SYNE2: variants seen among roughly 807,000 people sequenced by gnomAD.
The protein encoded by SYNE2 is nesprin-2.
Under a neutral mutation model 856.3 loss-of-function variants are expected in SYNE2, and 431 were observed. The observed-to-expected ratio is 0.50, with a 90% CI of 0.47 to 0.55. SYNE2 has a LOEUF of 0.55. Among genes scored for constraint, SYNE2 ranks in the 20% least tolerant of loss-of-function variants. The pLI is 0.00. For missense variants in SYNE2, 8,129 were observed against 8,023.2 expected (o/e 1.01, Z -0.50); for synonymous variants, 2,923 against 2,872.3 (o/e 1.02, Z -0.56).
chr14:64,098,266 A>C (rs1027703284), intron 62 of SYNE2, 120 bp downstream of exon 62: 2 of 1,109,268 alleles, frequency 1.8e-6, no homozygotes, highest in Non-Finnish European at 2.7e-6. Flanking sequence ...GGAATTTTTT[A>C]AAGTGGAAAT....
At chr14:63,971,249 C>T (rs2096473056) in intron 11 of SYNE2, among the ~76,000 whole-genome samples, 1 of 151,710 alleles carries the variant, frequency 6.6e-6, no homozygotes, top group Non-Finnish European at 1.5e-5. Context: ...GTAGCTGGGA[C>T]AACAGGCATG....
upstream of SYNE2, among the ~76,000 whole-genome samples, chr14:63,851,939 G>A (rs1890502962): frequency 1.5e-5 from 2 of 134,968 alleles, no homozygotes; most frequent in Admixed American, 8.4e-5. Context: ...AAAATTACCG[G>A]TGTGGTGTCG....
At chr14:63,790,176 A>C (rs557691059) in intron 1 of SYNE2, among the ~76,000 whole-genome samples, 25 of 152,142 alleles carry the variant, frequency 1.6e-4, no homozygotes, top group Admixed American at 7.2e-4. Flanking sequence ...CTACAAAAAA[A>C]TACAAAACAG....
At position 63,911,757 on chromosome 14, in the gene SYNE2, A is replaced by G. The variant is rs181932728; in HGVS notation, c.79+2530A>G. On this transcript the variant is annotated intron_variant, in intron 2 of 115. Transcript: ENST00000555002. Reference sequence around the variant, plus strand: ...ATCTTAGCCTTAACCTATTCAATCCATAGCAAGTTTTCACATCCAGAATAT... The same window carrying G: ...ATCTTAGCCTTAACCTATTCAATCCGTAGCAAGTTTTCACATCCAGAATAT... Among the ~76,000 whole-genome samples, 307 of 152,338 alleles carry G rather than the reference A, an allele frequency of 2.0e-3. 2 individuals are homozygous for G. The highest frequency in any genetic ancestry group is 1.6e-3 in the Non-Finnish European group (112 of 68,032).
At chr14:63,979,385 T>G (rs769048870) in intron 14 of SYNE2, among the ~76,000 whole-genome samples, 16 of 152,252 alleles carry the variant, frequency 1.1e-4, no homozygotes, top group Admixed American at 2.0e-4. Flanking sequence ...TACATTTTTC[T>G]TATAACATTT....
intron 1 of SYNE2, among the ~76,000 whole-genome samples, chr14:63,813,381 A>G (rs890079999): frequency 3.3e-5 from 5 of 152,214 alleles, no homozygotes; most frequent in Non-Finnish European, 7.3e-5. Flanking sequence ...TTTATTATCT[A>G]CTTGTAAACT....
intron 77 of SYNE2, among the ~76,000 whole-genome samples, chr14:64,133,099 A>G (rs548899675): frequency 2.0e-4 from 31 of 152,032 alleles, no homozygotes; most frequent in African/African-American, 7.5e-4. Flanking sequence ...CCAGCTACTC[A>G]GGAGGCTGAG....
At position 64,107,582 on chromosome 14, in the gene SYNE2, C is replaced by T. The variant is rs202034735; in HGVS notation, c.12584C>T (p.Ser4195Phe). The T allele has an allele frequency of 6.8e-6, 11 of 1,614,158 alleles. No homozygotes were observed. In the East Asian group the frequency reaches 2.5e-4, roughly 36 times the overall value. Residue 4195 changes from serine to phenylalanine, a missense_variant, in exon 65 of 116, where the codon TCC becomes TTC. This residue lies in a region of SYNE2 where 5,410 missense variants were observed against 5,284.8 expected (regional missense o/e 1.02). Transcript: ENST00000555002. ...SLNTEQGPEC[S>F]LRPNQTEEGT... ...AACACTGAGCAAGGCCCAGAATGTT[C>T]CCTAAGGCCCAACCAAACAGAAGAG...
intron 1 of SYNE2, among the ~76,000 whole-genome samples, chr14:63,859,602 A>G (rs1221178093): frequency 3.3e-5 from 5 of 152,204 alleles, no homozygotes; most frequent in African/African-American, 1.2e-4. Flanking sequence ...GCGGATCACG[A>G]GGTCAAGAGC....
chr14:64,171,324 A>G (rs1354577284), intron 94 of SYNE2, among the ~76,000 whole-genome samples: 1 of 152,240 alleles, frequency 6.6e-6, no homozygotes, highest in African/African-American at 2.4e-5. Context: ...TCTCTGTGCC[A>G]ATCACTGTCC....
intron 70 of SYNE2, among the ~76,000 whole-genome samples, chr14:64,124,284 C>G (rs1405866972): frequency 1.3e-5 from 2 of 152,048 alleles, no homozygotes; most frequent in Admixed American, 1.3e-4. Flanking sequence ...CTTTGAACTC[C>G]TGGGCTCAAA....
intron 1 of SYNE2, among the ~76,000 whole-genome samples, chr14:63,879,947 A>G (rs908064983): frequency 6.6e-6 from 1 of 152,234 alleles, no homozygotes; most frequent in Non-Finnish European, 1.5e-5. Context: ...ATTAACCACA[A>G]GTCACATTCT....
chr14:63,993,892 G>A lies in SYNE2; in HGVS notation c.2704G>A (p.Glu902Lys), dbSNP rs1251482056. Residue 902 changes from glutamate to lysine, a missense_variant, in exon 22 of 116, where the codon GAA becomes AAA. By Grantham distance (56) the Glu-to-Lys change is moderately conservative. This residue lies in a region of SYNE2 where 2,422 missense variants were observed against 2,357.4 expected (regional missense o/e 1.03). Transcript: ENST00000555002. ...GGCCAAGTATTTGAAAGCTGTTGAAGAACTAAAAAATAATGTAACTGAGGA... is the reference window on the plus strand; with the variant it reads ...GGCCAAGTATTTGAAAGCTGTTGAAAAACTAAAAAATAATGTAACTGAGGA... ...SLAKYLKAVE[E>K]LKNNVTEDIK... 9 of 1,611,790 alleles carry A rather than the reference G, an allele frequency of 5.6e-6. No individual in the cohort carries two copies. Among genetic ancestry groups the A allele is most frequent in the Non-Finnish European group, 7.6e-6 (9 of 1,178,844 alleles).
Position 64,053,605 on chromosome 14 carries a change from G to GT in SYNE2, c.9693dup (p.Glu3232Ter). 2.5e-6 allele frequency: 4 copies of GT among 1,613,246 alleles called. No homozygotes were observed. Among genetic ancestry groups the GT allele is most frequent in the Non-Finnish European group, 3.4e-6 (4 of 1,179,816 alleles). ...GCGAGTGATGTGGAGACAAAACTAC[G>GT]TGAGTTTGAAGATCTTCAGATGCAG... On this transcript the variant is annotated frameshift_variant, in exon 48 of 116. Coordinates refer to ENST00000555002, the MANE Select transcript of SYNE2 (RefSeq NM_182914.3). LOFTEE classifies it high-confidence loss of function.
At chr14:64,140,941 T>C (rs2098134452) in intron 80 of SYNE2, among the ~76,000 whole-genome samples, 2 of 152,160 alleles carry the variant, frequency 1.3e-5, no homozygotes, top group South Asian at 2.1e-4. Context: ...TTACTAACTT[T>C]GCTATTAAAA....
At chr14:63,825,047 C>T (rs890547734) in intron 1 of SYNE2, among the ~76,000 whole-genome samples, 4 of 151,878 alleles carry the variant, frequency 2.6e-5, no homozygotes, top group Non-Finnish European at 5.9e-5. Flanking sequence ...TTACAGTGAC[C>T]TGAGATCATG....
At position 63,909,243 on chromosome 14, in the gene SYNE2, TG is replaced by T; in HGVS notation, c.79+21del. The T allele has an allele frequency of 1.3e-6, 2 of 1,585,466 alleles. No individual in the cohort carries two copies. The highest frequency in any genetic ancestry group is 1.7e-6 in the Non-Finnish European group (2 of 1,154,988). On this transcript the variant is annotated intron_variant, in intron 2 of 115. Coordinates refer to ENST00000555002, the MANE Select transcript of SYNE2 (RefSeq NM_182914.3). ...TCATTGCAAGGTAATTAAGATTGGG[TG>T]GGGGTAACACCCACAGAAACTGGGG...
chr14:64,153,585 T>G (rs1207284813), intron 85 of SYNE2, among the ~76,000 whole-genome samples: 3 of 152,146 alleles, frequency 2.0e-5, no homozygotes, highest in Non-Finnish European at 4.4e-5. Context: ...CCCAGGAATG[T>G]AGCAGAAAAA....
chr14:64,163,493 C>T lies in SYNE2; in HGVS notation c.16391C>T (p.Thr5464Ile). ...DRLPQPAESS[T>I]HMLLPGPLHS... ...CTCCCACAACCCGCAGAGTCCAGCA[C>T]CCACATGCTCCTCCCGGGCCCCCTG... The change falls in exon 89 of 116, where the codon ACC (threonine) becomes ATC (isoleucine). Residue 5464 changes from threonine (T) to isoleucine (I), a missense_variant. Physicochemically the swap from Thr to Ile is moderately conservative, Grantham distance 89. This residue lies in a region of SYNE2 where 5,410 missense variants were observed against 5,284.8 expected (regional missense o/e 1.02). Coordinates refer to ENST00000555002, the MANE Select transcript of SYNE2 (RefSeq NM_182914.3). 6.2e-7 allele frequency: 1 copy of T among 1,614,180 alleles called. No individual in the cohort carries two copies. The highest frequency in any genetic ancestry group is 1.1e-5 in the South Asian group (1 of 91,084).
Sources: gnomAD v4.1 joint callset for allele counts (sites outside exome capture counted in the v4.1 genomes callset) on GRCh38, gnomAD v4.1.1 for gene constraint, gnomAD v4.1.1 regional missense constraint, MANE v1.5 for transcripts, NCBI Gene and HGNC (gene_info 2026-07-23, HGNC 2026-07-21) for gene names.